Variants in ARID3A observed in about 807,000 individuals in gnomAD.
ARID3A encodes AT-rich interactive domain-containing protein 3A.
Under a neutral mutation model 52.7 loss-of-function variants are expected in ARID3A, and 11 were observed. The observed-to-expected ratio is 0.21, with a 90% CI of 0.13 to 0.35. ARID3A has a LOEUF of 0.35. ARID3A is among the 10% of genes least tolerant of loss of function. The probability of loss-of-function intolerance (pLI) is 1.00; values close to 1 mark genes in which losing one functional copy is unlikely to be tolerated. For synonymous variants in ARID3A, 404 were observed against 359.4 expected (o/e 1.12, Z -1.40); for missense variants, 721 against 838.5 (o/e 0.86, Z 1.73).
At position 964,490 on chromosome 19, in the gene ARID3A, G is replaced by A. The variant is rs1051157405; in HGVS notation, c.950+59G>A. On this transcript the variant is annotated intron_variant, in intron 5 of 8. Transcript: ENST00000263620. The surrounding 1 kb of genome is among the most constrained non-coding windows in gnomAD (Gnocchi z 5.7). The stretch of plus-strand genomic sequence containing the variant: ...AGGGCACTCTGAGCAGCCAGTGCAA[G>A]GGGCCTGCAGAAGAGGGAGGGGGTG... 5.3e-6 allele frequency: 8 copies of A among 1,505,704 alleles called. No individual in the cohort carries two copies. Among genetic ancestry groups the A allele is most frequent in the Non-Finnish European group, 6.2e-6 (7 of 1,122,272 alleles). 93.3% of individuals were successfully genotyped at this position (1,505,704 alleles called of 1,614,324 possible). A position where few individuals can be genotyped will look rare whatever the true frequency, so the allele number is the denominator to read the frequency against.
At chr19:952,923 CCCTGTGACCTTGGGCACTGCCCA>C (rs1014547608) in intron 3 of ARID3A, among the ~76,000 whole-genome samples, 14 of 152,110 alleles carry the variant, frequency 9.2e-5, no homozygotes, top group Non-Finnish European at 1.5e-4. Flanking sequence ...ACCATAGCCC[CCCTGTGACCTTGGGCACTGCCCA>C]CCTGTGACCT....
At chr19:935,964 G>T (rs1377853722) in intron 3 of ARID3A, among the ~76,000 whole-genome samples, 1 of 151,946 alleles carries the variant, frequency 6.6e-6, no homozygotes, top group South Asian at 2.1e-4. Flanking sequence ...CTAATTTTTT[G>T]TATTTTTAGT....
Position 973,724 on chromosome 19 carries a change from G to A in ARID3A, c.*1659G>A, listed in dbSNP as rs769545219. 9 of 227,578 alleles carry A rather than the reference G, an allele frequency of 4.0e-5. No individual in the cohort carries two copies. Among genetic ancestry groups the A allele is most frequent in the East Asian group, 6.3e-5 (1 of 15,954 alleles). 14.1% of individuals were successfully genotyped at this position (227,578 alleles called of 1,614,324 possible). ...TTTGTGCTGGGGCTGCGAGCTCCCC[G>A]AGTTCTGCGGTGACTAAATCGAGGC... On this transcript the variant is annotated 3_prime_UTR_variant, in exon 9 of 9. Coordinates refer to ENST00000263620, the MANE Select transcript of ARID3A (RefSeq NM_005224.3).
chr19:955,980 T>C (rs2037908369), intron 3 of ARID3A, among the ~76,000 whole-genome samples: 1 of 152,082 alleles, frequency 6.6e-6, no homozygotes, highest in Non-Finnish European at 1.5e-5. Flanking sequence ...CTCTCCCAGC[T>C]CCTGGGGGCT....
In ARID3A at chr19:932,475, G is replaced by A; in HGVS notation, c.426G>A (p.Glu142=). ...MEEDLGEDEE[E]EEEDYEDEEE... ...AAGACCTCGGGGAGGATGAGGAGGAGGAGGAGGAGGATTACGAGGATGAGG... is the reference window on the plus strand; with the variant it reads ...AAGACCTCGGGGAGGATGAGGAGGAAGAGGAGGAGGATTACGAGGATGAGG... The change falls in exon 3 of 9, where the codon GAG becomes GAA. Residue 142 remains glutamate, a synonymous_variant. Coordinates refer to ENST00000263620, the MANE Select transcript of ARID3A (RefSeq NM_005224.3). 3 of 1,580,226 alleles carry A rather than the reference G, an allele frequency of 1.9e-6. No individual in the cohort carries two copies. Among genetic ancestry groups the A allele is most frequent in the South Asian group, 2.3e-5 (2 of 86,962 alleles).
intron 2 of ARID3A, among the ~76,000 whole-genome samples, chr19:931,048 C>CT (rs2037316726): frequency 6.6e-6 from 1 of 151,172 alleles, no homozygotes; most frequent in Admixed American, 6.6e-5. Flanking sequence ...AATCCCAGCA[C>CT]TTTGGGAGGC....
chr19:933,850 G>GGT (rs1332159034), intron 3 of ARID3A, among the ~76,000 whole-genome samples: 2 of 148,298 alleles, frequency 1.3e-5, no homozygotes, highest in African/African-American at 5.0e-5. Flanking sequence ...ACTCGGTGGG[G>GGT]GGGGGGGGCG....
rs1003923059 is a variant in ARID3A, at chr19:972,117, G to A, written c.*52G>A. 6.0e-5 allele frequency: 88 copies of A among 1,474,886 alleles called. No homozygotes were observed. Among genetic ancestry groups the A allele is most frequent in the Non-Finnish European group, 7.6e-5 (85 of 1,116,248 alleles). The allele number at this position is 1,474,886 out of a possible 1,614,324, so 91.4% of individuals were successfully genotyped here. A position where few individuals can be genotyped will look rare whatever the true frequency, so the allele number is the denominator to read the frequency against. On this transcript the variant is annotated 3_prime_UTR_variant, in exon 9 of 9. Coordinates refer to ENST00000263620, the MANE Select transcript of ARID3A (RefSeq NM_005224.3). The stretch of plus-strand genomic sequence containing the variant: ...CCCTGGAGCCCGCCGGCCTGGGCAG[G>A]GGGTCCAGGTGGGCCACACAGGGGC...
chr19:930,897 C>T (rs899472866), intron 2 of ARID3A, among the ~76,000 whole-genome samples: 1 of 152,154 alleles, frequency 6.6e-6, no homozygotes, highest in African/African-American at 2.4e-5. Context: ...AATCTGCAGC[C>T]GGCTGGACCT....
intron 3 of ARID3A, among the ~76,000 whole-genome samples, chr19:934,766 G>C (rs1487759995): frequency 6.6e-6 from 1 of 152,164 alleles, no homozygotes; most frequent in Non-Finnish European, 1.5e-5. Flanking sequence ...CCCCCGCCCT[G>C]CAGTCCTGTG....
intron 3 of ARID3A, among the ~76,000 whole-genome samples, chr19:933,523 C>T (rs1246919490): frequency 6.6e-6 from 1 of 152,182 alleles, no homozygotes; most frequent in Non-Finnish European, 1.5e-5. Flanking sequence ...CACCTCCTCG[C>T]CCGGGGCTGG....
intron 1 of ARID3A, 120 bp downstream of exon 1, chr19:926,179 C>A (rs1157310672): frequency 6.6e-6 from 1 of 150,534 alleles, no homozygotes; most frequent in Non-Finnish European, 1.5e-5. Context: ...GCGCGCCCCA[C>A]TACGAGCCGC....
chr19:970,664 G>A (rs572938713), intron 8 of ARID3A, among the ~76,000 whole-genome samples: 181 of 151,910 alleles, frequency 1.2e-3, no homozygotes, highest in Non-Finnish European at 2.0e-3. Context: ...TAGATGATAC[G>A]GGGTTTCACC....
intron 3 of ARID3A, among the ~76,000 whole-genome samples, chr19:934,159 C>T (rs867283074): frequency 2.0e-5 from 3 of 152,194 alleles, no homozygotes; most frequent in South Asian, 2.1e-4. Flanking sequence ...GGGCAGGAGC[C>T]GGACGGAGAC....
In ARID3A at chr19:964,037, A is replaced by C. The variant is rs1463673866; in HGVS notation, c.767-211A>C. Among the ~76,000 whole-genome samples the C allele has an allele frequency of 1.3e-5, 2 of 152,212 alleles. No homozygotes were observed. The highest frequency in any genetic ancestry group is 2.9e-5 in the Non-Finnish European group (2 of 68,038). On this transcript the variant is annotated intron_variant, in intron 4 of 8. Transcript: ENST00000263620. This position sits in a 1 kb window ranked among gnomAD's most constrained non-coding sequence, Gnocchi z 5.7. ...AGGTTACTGGTGGATAAACCGAGGC[A>C]GAGCTGCCCCCTCTGCACCCTCTCG... is the stretch of plus-strand genomic sequence containing the variant.
At position 964,201 on chromosome 19, in the gene ARID3A, T is replaced by A. The variant is rs758525977; in HGVS notation, c.767-47T>A. The A allele has an allele frequency of 2.0e-6, 3 of 1,535,150 alleles. No homozygotes were observed. In the South Asian group the frequency reaches 3.5e-5, roughly 18 times the overall value. ...GCGGAGGCCAGGACACTCGGCTCCC[T>A]GCAGTGCCCAGGTGGCCCCCAACCT... On this transcript the variant is annotated intron_variant, in intron 4 of 8. Transcript: ENST00000263620. The surrounding 1 kb of genome is among the most constrained non-coding windows in gnomAD (Gnocchi z 5.7).
Position 966,672 on chromosome 19 carries a change from A to C in ARID3A, c.1299A>C (p.Ala433=). Residue 433 remains alanine, a synonymous_variant, in exon 7 of 9, where the codon GCA becomes GCC. Transcript: ENST00000263620. ...VAAQAAAVQA[A]AAQAAVAAQA... ...CCCAGGCAGCAGCTGTGCAAGCAGC[A>C]GCCGCCCAAGCAGCTGTGGCCGCAC... 6.2e-7 allele frequency: 1 copy of C among 1,610,440 alleles called. No homozygotes were observed. Among genetic ancestry groups the C allele is most frequent in the Non-Finnish European group, 8.5e-7 (1 of 1,178,074 alleles).
At chr19:943,047 T>A (rs1028437120) in intron 3 of ARID3A, among the ~76,000 whole-genome samples, 4 of 152,042 alleles carry the variant, frequency 2.6e-5, no homozygotes, top group African/African-American at 9.7e-5. Context: ...GACGGGAGTT[T>A]CGCTTGAGCC....
intron 3 of ARID3A, among the ~76,000 whole-genome samples, chr19:936,176 A>G (rs1385660551): frequency 2.0e-5 from 3 of 152,244 alleles, no homozygotes; most frequent in African/African-American, 7.2e-5. Context: ...CAATTCTAAT[A>G]AGTGTTGAAT....
Sources: gnomAD v4.1 joint callset for allele counts (sites outside exome capture counted in the v4.1 genomes callset) on GRCh38, gnomAD v4.1.1 for gene constraint, Gnocchi (gnomAD v3.1) non-coding constraint, MANE v1.5 for transcripts, NCBI Gene and HGNC (gene_info 2026-07-23, HGNC 2026-07-21) for gene names.